Variants in EMID1 observed in about 807,000 individuals in gnomAD.
The protein encoded by EMID1 is EMI domain-containing protein 1.
Under a neutral mutation model 60.6 loss-of-function variants are expected in EMID1, and 40 were observed. The ratio of observed to expected loss-of-function variants is 0.66; its 90% CI spans 0.51 to 0.86. The LOEUF (loss-of-function observed/expected upper bound fraction) is 0.86. Ranked by LOEUF, EMID1 falls within the 40% of genes least tolerant of loss-of-function variation. EMID1 has a pLI of 0.00. For synonymous variants in EMID1, 242 were observed against 231.0 expected (o/e 1.05, Z -0.43); for missense variants, 585 against 597.1 (o/e 0.98, Z 0.21).
Position 29,226,439 on chromosome 22 carries a change from G to A in EMID1, c.404-51G>A, listed in dbSNP as rs765455823. On this transcript the variant is annotated intron_variant, in intron 4 of 14. Transcript: ENST00000334018. ...ACCCCCAGAGACTGAAGGGTTCTGAGGGGAAGCCTAGGACCCTTGGCCCTG... is the reference window on the plus strand; with the variant it reads ...ACCCCCAGAGACTGAAGGGTTCTGAAGGGAAGCCTAGGACCCTTGGCCCTG... 5.7e-6 allele frequency: 9 copies of A among 1,591,828 alleles called. No individual in the cohort carries two copies. The African/African-American group carries it at 6.7e-5, about 12-fold the overall frequency.
chr22:29,231,278 T>G, intron 6 of EMID1, 138 bp downstream of exon 6: 4 of 1,332,364 alleles, frequency 3.0e-6, no homozygotes, highest in Non-Finnish European at 4.0e-6. Context: ...TTCCCGTTTC[T>G]TAGACCCGCC....
At chr22:29,247,557 C>G (rs1238952176) in intron 13 of EMID1, among the ~76,000 whole-genome samples, 1 of 152,258 alleles carries the variant, frequency 6.6e-6, no homozygotes, top group Non-Finnish European at 1.5e-5. Context: ...GCAACTGCAA[C>G]ACAGTCGTAA....
At chr22:29,241,304 A>T (rs1286260944) in intron 12 of EMID1, among the ~76,000 whole-genome samples, 1 of 151,960 alleles carries the variant, frequency 6.6e-6, no homozygotes, top group African/African-American at 2.4e-5. Context: ...CTATGGTCTC[A>T]CTTCTCCAAC....
chr22:29,214,151 G>A (rs1197420348), intron 1 of EMID1, among the ~76,000 whole-genome samples: 2 of 152,294 alleles, frequency 1.3e-5, no homozygotes, highest in Non-Finnish European at 2.9e-5. Flanking sequence ...GCCATTCCAC[G>A]GAGGGGACAT....
intron 13 of EMID1, among the ~76,000 whole-genome samples, chr22:29,252,674 TG>T (rs2041571146): frequency 6.6e-6 from 1 of 151,982 alleles, no homozygotes; most frequent in Non-Finnish European, 1.5e-5. Context: ...TGGTACCACT[TG>T]GGGAGTGGGG....
At chr22:29,220,037 C>G (rs78502881) in intron 3 of EMID1, among the ~76,000 whole-genome samples, 1,884 of 152,248 alleles carry the variant, frequency 0.012, 37 homozygotes, top group African/African-American at 0.043. Flanking sequence ...CAACCCCCAC[C>G]TCCTGCCAGC....
chr22:29,215,439 CT>C, intron 2 of EMID1, 87 bp from the exon 3 acceptor site: 1 of 1,408,200 alleles, frequency 7.1e-7, no homozygotes, highest in Non-Finnish European at 9.9e-7. Context: ...ATCCTGGAAG[CT>C]CTAGGTTTGT....
At chr22:29,213,902 G>C (rs969617336) in intron 1 of EMID1, among the ~76,000 whole-genome samples, 1 of 152,142 alleles carries the variant, frequency 6.6e-6, no homozygotes, top group African/African-American at 2.4e-5. Flanking sequence ...CATCCACCTT[G>C]CTGGGTTCAA....
In EMID1 at chr22:29,223,063, T is replaced by C. The variant is rs1247450821; in HGVS notation, c.320-2070T>C. On this transcript the variant is annotated intron_variant, in intron 3 of 14. Transcript: ENST00000334018. ...CCGAGATTGCACCACTGCACTCCAG[T>C]CTGGGTGACAGAGCGAGACTCCGTC... Among the ~76,000 whole-genome samples the C allele has an allele frequency of 2.0e-5, 3 of 152,002 alleles. No homozygotes were observed. In the East Asian group the frequency reaches 5.8e-4, roughly 29 times the overall value.
At chr22:29,215,096 A>G in intron 2 of EMID1, 57 bp downstream of exon 2, 2 of 1,483,304 alleles carry the variant, frequency 1.3e-6, no homozygotes, top group East Asian at 2.5e-5. Flanking sequence ...AGTTTGGGCA[A>G]AGGCCTGGTT....
intron 1 of EMID1, among the ~76,000 whole-genome samples, chr22:29,210,586 GC>G (rs1216843403): frequency 6.6e-6 from 1 of 152,106 alleles, no homozygotes; most frequent in African/African-American, 2.4e-5. Flanking sequence ...AGGCTGTAGT[GC>G]AGTGGCGTGA....
At chr22:29,220,716 T>A (rs2146197699) in intron 3 of EMID1, among the ~76,000 whole-genome samples, 1 of 152,058 alleles carries the variant, frequency 6.6e-6, no homozygotes, top group South Asian at 2.1e-4. Flanking sequence ...AAGATTGGAA[T>A]CCCAGCCCCC....
intron 4 of EMID1, 99 bp downstream of exon 4, chr22:29,225,315 G>A: frequency 4.1e-6 from 5 of 1,233,768 alleles, no homozygotes; most frequent in Non-Finnish European, 4.6e-6. Context: ...CAGTAGGTCT[G>A]GCAGTGGAGG....
In EMID1 at chr22:29,231,054, C is replaced by T. The variant is rs1243499839; in HGVS notation, c.500C>T (p.Pro167Leu). Reference sequence around the variant, plus strand: ...CTGACTGTCATAGAGCAGCCAGTACCTCCAACACCAGCTACCCCTGAGGAC... The same window carrying T: ...CTGACTGTCATAGAGCAGCCAGTACTTCCAACACCAGCTACCCCTGAGGAC... ...TMLTVIEQPVPPTPATPEDPA... is the reference protein window; with the variant it reads ...TMLTVIEQPVLPTPATPEDPA... Residue 167 changes from proline to leucine, a missense_variant, in exon 6 of 15, where the codon CCT becomes CTT. By Grantham distance (98) the Pro-to-Leu change is moderately conservative. Coordinates refer to ENST00000334018, the MANE Select transcript of EMID1 (RefSeq NM_133455.4). The T allele has an allele frequency of 1.9e-6, 3 of 1,613,952 alleles. No individual in the cohort carries two copies. Among genetic ancestry groups the T allele is most frequent in the Admixed American group, 1.7e-5 (1 of 59,992 alleles).
At chr22:29,230,287 C>T (rs1453951403) in intron 5 of EMID1, among the ~76,000 whole-genome samples, 1 of 151,590 alleles carries the variant, frequency 6.6e-6, no homozygotes, top group Non-Finnish European at 1.5e-5. Context: ...GAGCCGAGAT[C>T]GTGCCACTAC....
At position 29,259,509 on chromosome 22, in the gene EMID1, AG is replaced by A. The variant is rs1365927882; in HGVS notation, c.*569del. 1 of 166,926 alleles carries A rather than the reference AG, an allele frequency of 6.0e-6. No individual in the cohort carries two copies. The highest frequency in any genetic ancestry group is 6.0e-5 in the Admixed American group (1 of 16,704). 10.3% of individuals were successfully genotyped at this position (166,926 alleles called of 1,614,324 possible). ...GTTGGGGATGGGGACATGGAGAGGAAGGGGCCGCCTACTCCTGCAAATGCTT... is the reference window on the plus strand; with the variant it reads ...GTTGGGGATGGGGACATGGAGAGGAAGGGCCGCCTACTCCTGCAAATGCTT... On this transcript the variant is annotated 3_prime_UTR_variant, in exon 15 of 15. Coordinates refer to ENST00000334018, the MANE Select transcript of EMID1 (RefSeq NM_133455.4).
At chr22:29,227,186 G>A (rs1337280853) in intron 5 of EMID1, among the ~76,000 whole-genome samples, 1 of 152,042 alleles carries the variant, frequency 6.6e-6, no homozygotes, top group Non-Finnish European at 1.5e-5. Flanking sequence ...TGCCTCCTGG[G>A]CTCAAATGAT....
intron 3 of EMID1, 116 bp downstream of exon 3, chr22:29,215,746 G>GC: frequency 1.3e-6 from 1 of 797,818 alleles, no homozygotes; most frequent in Non-Finnish European, 2.1e-6. Flanking sequence ...GCCTGCTGGG[G>GC]CCAGCTGCAC....
intron 12 of EMID1, among the ~76,000 whole-genome samples, chr22:29,237,874 T>C (rs1176602711): frequency 1.4e-5 from 2 of 144,932 alleles, no homozygotes; most frequent in South Asian, 2.2e-4. Flanking sequence ...ACCTTTATTT[T>C]TTCCCAGTTG....
Sources: gnomAD v4.1 joint callset for allele counts (sites outside exome capture counted in the v4.1 genomes callset) on GRCh38, gnomAD v4.1.1 for gene constraint, MANE v1.5 for transcripts, NCBI Gene and HGNC (gene_info 2026-07-23, HGNC 2026-07-21) for gene names.